TBCD: variants seen among roughly 807,000 people sequenced by gnomAD.
TBCD encodes tubulin folding cofactor D, also known as tubulin-specific chaperone D.
TBCD carries 105 observed loss-of-function variants against 169.3 expected under a neutral mutation model. The ratio of observed to expected loss-of-function variants is 0.62; its 90% confidence interval spans 0.53 to 0.73. TBCD has a LOEUF of 0.73. Among genes scored for constraint, TBCD ranks in the 30% least tolerant of loss-of-function variants. The probability of loss-of-function intolerance (pLI) is 0.00; values close to 1 mark genes in which losing one functional copy is unlikely to be tolerated. For synonymous variants in TBCD, 700 were observed against 643.9 expected (o/e 1.09, Z -1.32); for missense variants, 1,444 against 1,600.1 (o/e 0.90, Z 1.66).
chr17:82,764,198 TA>T, intron 3 of TBCD, 136 bp downstream of exon 3: 1 of 697,124 alleles, frequency 1.4e-6, no homozygotes, highest in South Asian at 1.9e-5. Flanking sequence ...TGTCCCTTTT[TA>T]CTGTATGTTG....
chr17:82,755,876 G>C (rs2047377077), intron 1 of TBCD, among the ~76,000 whole-genome samples: 1 of 152,206 alleles, frequency 6.6e-6, no homozygotes, highest in South Asian at 2.1e-4. Flanking sequence ...GCGAGGAGGA[G>C]ACTCTGTTAG....
chr17:82,800,464 C>G (rs892159047), intron 8 of TBCD, among the ~76,000 whole-genome samples: 3 of 151,780 alleles, frequency 2.0e-5, no homozygotes, highest in Admixed American at 1.3e-4. Context: ...TCTGGGGTTG[C>G]TGCAGTGTGC....
At chr17:82,898,559 A>T (rs1012777478) in intron 17 of TBCD, among the ~76,000 whole-genome samples, 12 of 147,886 alleles carry the variant, frequency 8.1e-5, no homozygotes, top group Non-Finnish European at 1.3e-4. Flanking sequence ...CTGCTACACT[A>T]TTTTTTTTTT....
chr17:82,781,791 T>C, intron 7 of TBCD, 70 bp downstream of exon 7: 2 of 1,580,150 alleles, frequency 1.3e-6, no homozygotes, highest in East Asian at 4.5e-5. Flanking sequence ...CACGGAATGA[T>C]GTTACCTGTG....
intron 23 of TBCD, among the ~76,000 whole-genome samples, chr17:82,916,954 T>A (rs1226872809): frequency 6.6e-6 from 1 of 152,098 alleles, no homozygotes; most frequent in African/African-American, 2.4e-5. Context: ...ACTTAATTCT[T>A]TACGCCTCCT....
In TBCD at chr17:82,937,301, C is replaced by T. The variant is rs755395442; in HGVS notation, c.3222C>T (p.Leu1074=). 1 of 1,613,912 alleles carries T rather than the reference C, an allele frequency of 6.2e-7. No homozygotes were observed. The highest frequency in any genetic ancestry group is 8.5e-7 in the Non-Finnish European group (1 of 1,179,902). ...CCTTTGCTGTGAAGTTGCTTGCGCT[C>T]TGTAAGAAAGAAATCAAGAATTCAA... The part of the protein sequence containing the change: ...DHPFAVKLLA[L]CKKEIKNSKD... Residue 1074 remains leucine (L), a synonymous_variant, in exon 35 of 39, where the codon CTC becomes CTT. Coordinates refer to ENST00000355528, the MANE Select transcript of TBCD (RefSeq NM_005993.5).
In TBCD at chr17:82,832,631, T is replaced by C. The variant is rs2053618665; in HGVS notation, c.1318+17697T>C. ...GCGAGAGCCTCCGTCATCTGGCGGC[T>C]GGGAGCTGTAATAAAGAGCAGTCTT... On this transcript the variant is annotated intron_variant, in intron 13 of 38. Coordinates refer to ENST00000355528, the MANE Select transcript of TBCD (RefSeq NM_005993.5). This position sits in a 1 kb window ranked among gnomAD's most constrained non-coding sequence, Gnocchi z 4.9. The C allele has an allele frequency of 4.6e-6, 3 of 656,852 alleles. No individual in the cohort carries two copies. The highest frequency in any genetic ancestry group is 8.0e-6 in the Non-Finnish European group (3 of 375,204). The allele number at this position is 656,852 out of a possible 1,614,324, so 40.7% of individuals were successfully genotyped here. A position where few individuals can be genotyped will look rare whatever the true frequency, so the allele number is the denominator to read the frequency against.
chr17:82,810,294 A>G (rs1040402418), intron 12 of TBCD, among the ~76,000 whole-genome samples: 1 of 152,216 alleles, frequency 6.6e-6, no homozygotes, highest in Non-Finnish European at 1.5e-5. Flanking sequence ...CCATCTCTAC[A>G]GAGAGTTAAA....
intron 4 of TBCD, 24 bp downstream of exon 4, chr17:82,766,392 C>T (rs1168166359): frequency 3.9e-5 from 61 of 1,572,032 alleles, no homozygotes; most frequent in Non-Finnish European, 5.0e-5. Flanking sequence ...CCTCCCCCCT[C>T]GTCTCCAGCC....
intron 2 of TBCD, 117 bp from the exon 3 acceptor site, chr17:82,763,848 T>C (rs2047895341): frequency 1.3e-6 from 1 of 784,722 alleles, no homozygotes; most frequent in Non-Finnish European, 2.2e-6. Context: ...CAAATGATCC[T>C]CCCACCTTGG....
At chr17:82,786,744 T>A (rs972733994) in intron 7 of TBCD, among the ~76,000 whole-genome samples, 1 of 151,920 alleles carries the variant, frequency 6.6e-6, no homozygotes, top group Non-Finnish European at 1.5e-5. Flanking sequence ...GGGCTCCGAG[T>A]CCTTCTCGGC....
At chr17:82,807,696 C>A in intron 11 of TBCD, 28 bp downstream of exon 11, 1 of 1,437,726 alleles carries the variant, frequency 7.0e-7, no homozygotes, top group Non-Finnish European at 9.2e-7. Flanking sequence ...CAGAAGCACC[C>A]CGGGGGGTGG....
rs1287393797 is a variant in TBCD at position 82,922,177 on chromosome 17, A to C, written c.2178+600A>C. The stretch of plus-strand genomic sequence containing the variant: ...GGAGTTCGAGGCCAGCCTGGCCAAC[A>C]TGGTGAAACCCCATCTCTACTAAAA... On this transcript the variant is annotated intron_variant, in intron 25 of 38. Coordinates refer to ENST00000355528, the MANE Select transcript of TBCD (RefSeq NM_005993.5). The surrounding 1 kb of genome is among the most constrained non-coding windows in gnomAD (Gnocchi z 4.1). Among the ~76,000 whole-genome samples the C allele has an allele frequency of 6.6e-6, 1 of 152,326 alleles. No homozygotes were observed. Among genetic ancestry groups the C allele is most frequent in the South Asian group, 2.1e-4 (1 of 4,828 alleles).
In TBCD at chr17:82,893,552, T is replaced by C. The variant is rs574416752; in HGVS notation, c.1569T>C (p.Thr523=). 204 of 1,607,704 alleles carry C rather than the reference T, an allele frequency of 1.3e-4. No individual in the cohort carries two copies. The highest frequency in any genetic ancestry group is 1.7e-4 in the Non-Finnish European group (197 of 1,177,460). The change falls in exon 17 of 39, where the codon ACT becomes ACC. Residue 523 remains threonine, a synonymous_variant. Coordinates refer to ENST00000355528, the MANE Select transcript of TBCD (RefSeq NM_005993.5). Reference sequence around the variant, plus strand: ...CATTTCCACTTTCTTATTAGGGCACTTTCCCTCATGGTATTGATATTTTGA... The same window carrying C: ...CATTTCCACTTTCTTATTAGGGCACCTTCCCTCATGGTATTGATATTTTGA... The part of the protein sequence containing the change: ...AFQENVGRQG[T]FPHGIDILTT...
At chr17:82,895,668 G>T (rs1567979223) in intron 17 of TBCD, among the ~76,000 whole-genome samples, 2 of 152,156 alleles carry the variant, frequency 1.3e-5, no homozygotes, top group Non-Finnish European at 2.9e-5. Context: ...GCATTACAGA[G>T]GGTCTCAGAG....
chr17:82,900,794 A>G, intron 18 of TBCD, 63 bp downstream of exon 18: 1 of 1,201,860 alleles, frequency 8.3e-7, no homozygotes. Flanking sequence ...GATTCAGTTG[A>G]GCTTATAAGC....
intron 7 of TBCD, among the ~76,000 whole-genome samples, chr17:82,795,065 C>T (rs373759297): frequency 7.9e-5 from 12 of 152,224 alleles, no homozygotes; most frequent in African/African-American, 2.9e-4. Flanking sequence ...ATGATGCTTG[C>T]TTTCCCGAGA....
intron 13 of TBCD, among the ~76,000 whole-genome samples, chr17:82,825,679 A>G (rs2052780723): frequency 6.6e-6 from 1 of 152,258 alleles, no homozygotes; most frequent in Non-Finnish European, 1.5e-5. Context: ...CAAGTTTTAT[A>G]GAACTCTAAC....
rs1326143516 is a variant in TBCD at position 82,889,210 on chromosome 17, G to A, written c.1534-458G>A. On this transcript the variant is annotated intron_variant, in intron 15 of 38. Transcript: ENST00000355528. This position sits in a 1 kb window ranked among gnomAD's most constrained non-coding sequence, Gnocchi z 5.3. Reference sequence around the variant, plus strand: ...TTGCTCTGGGCCTGTGCCCGGCCCTGGGACTCGGCCTGGAGAGCCTATTGA... The same window carrying A: ...TTGCTCTGGGCCTGTGCCCGGCCCTAGGACTCGGCCTGGAGAGCCTATTGA... 6.6e-6 allele frequency among the ~76,000 whole-genome samples: 1 copy of A among 152,182 alleles called. No homozygotes were observed. Among genetic ancestry groups the A allele is most frequent in the Admixed American group, 6.5e-5 (1 of 15,288 alleles).
Sources: gnomAD v4.1 joint callset for allele counts (sites outside exome capture counted in the v4.1 genomes callset) on GRCh38, gnomAD v4.1.1 for gene constraint, Gnocchi (gnomAD v3.1) non-coding constraint, MANE v1.5 for transcripts, NCBI Gene and HGNC (gene_info 2026-07-23, HGNC 2026-07-21) for gene names.